Variants in ELAPOR2 observed in about 807,000 individuals in gnomAD.
The protein encoded by ELAPOR2 is endosome/lysosome-associated apoptosis and autophagy regulator family member 2.
In ELAPOR2, 89 loss-of-function variants were observed where a neutral mutation model predicts 120.7. The ratio of observed to expected loss-of-function variants is 0.74; its 90% CI spans 0.62 to 0.88. ELAPOR2 has a LOEUF of 0.88. ELAPOR2 is among the 40% of genes least tolerant of loss of function. The probability of loss-of-function intolerance (pLI) is 0.00; values close to 1 mark genes in which losing one functional copy is unlikely to be tolerated. For synonymous variants in ELAPOR2, 444 were observed against 444.9 expected, an observed-to-expected ratio of 1.00 and a Z score of 0.03; for missense variants, 1,134 against 1,251.6, an observed-to-expected ratio of 0.91 and a Z score of 1.42.
At chr7:86,896,257 T>C (rs1788432833) in intron 19 of ELAPOR2, among the ~76,000 whole-genome samples, 1 of 152,110 alleles carries the variant, frequency 6.6e-6, no homozygotes, top group African/African-American at 2.4e-5. Context: ...TAAAACTTTA[T>C]CTCACTTTTA....
chr7:86,905,205 A>AG (rs1788951074), intron 18 of ELAPOR2, among the ~76,000 whole-genome samples: 3 of 151,170 alleles, frequency 2.0e-5, no homozygotes, highest in Admixed American at 6.6e-5. Flanking sequence ...AGAGAGAGAG[A>AG]AAGAGAGAGA....
chr7:86,986,521 C>T (rs1182551302), intron 1 of ELAPOR2, among the ~76,000 whole-genome samples: 80 of 143,252 alleles, frequency 5.6e-4, no homozygotes, highest in South Asian at 1.3e-3. Context: ...ACAAAATCAA[C>T]GTGCAAAAAT....
chr7:86,955,283 A>G (rs774222942), intron 2 of ELAPOR2, among the ~76,000 whole-genome samples: 13 of 152,300 alleles, frequency 8.5e-5, no homozygotes, highest in Non-Finnish European at 1.9e-4. Flanking sequence ...AGGGAAAGTC[A>G]AACAGTACAT....
chr7:87,010,521 T>C (rs1450775058), intron 1 of ELAPOR2, among the ~76,000 whole-genome samples: 2 of 152,218 alleles, frequency 1.3e-5, no homozygotes, highest in Non-Finnish European at 2.9e-5. Context: ...TTTTAAAATG[T>C]GAGTTTCTCT....
chr7:87,041,417 G>A (rs908416151), intron 1 of ELAPOR2, among the ~76,000 whole-genome samples: 1 of 152,082 alleles, frequency 6.6e-6, no homozygotes, highest in African/African-American at 2.4e-5. Context: ...CGGATCTCTC[G>A]GCATAAACCC....
At chr7:86,982,889 C>T (rs11769434) in intron 1 of ELAPOR2, among the ~76,000 whole-genome samples, 33,083 of 149,070 alleles carry the variant, frequency 0.22, 3,802 homozygotes, top group African/African-American at 0.25. Flanking sequence ...CAAACTTCTC[C>T]GAGCTAAAGG....
intron 1 of ELAPOR2, among the ~76,000 whole-genome samples, chr7:86,993,142 G>A (rs528458293): frequency 2.3e-4 from 34 of 150,374 alleles, no homozygotes; most frequent in Non-Finnish European, 3.8e-4. Flanking sequence ...AGGCTGAGGC[G>A]GGAGAGTTGC....
chr7:86,938,233 G>A lies in ELAPOR2; in HGVS notation c.1001-19C>T, dbSNP rs756323401. On this transcript the variant is annotated intron_variant, in intron 7 of 21. Transcript: ENST00000450689. ...CCTTCCTCTGCAACATAAAAAAAGC[G>A]TTTCAGAAATGGGTCAATTATTTTG... 3.2e-5 allele frequency: 49 copies of A among 1,530,722 alleles called. No homozygotes were observed. The highest frequency in any genetic ancestry group is 4.9e-5 in the East Asian group (2 of 40,794). The allele number at this position is 1,530,722 out of a possible 1,614,324, so 94.8% of individuals were successfully genotyped here.
At chr7:86,910,195 C>G (rs1258092265) in intron 15 of ELAPOR2, among the ~76,000 whole-genome samples, 194 bp from the exon 16 acceptor site, 4 of 152,012 alleles carry the variant, frequency 2.6e-5, no homozygotes, top group Non-Finnish European at 2.9e-5. Flanking sequence ...AATATTCAAC[C>G]AAACTTCAGA....
At chr7:86,967,423 C>A (rs1791950216) in intron 1 of ELAPOR2, among the ~76,000 whole-genome samples, 1 of 152,076 alleles carries the variant, frequency 6.6e-6, no homozygotes, top group Non-Finnish European at 1.5e-5. Context: ...CCACTGTACT[C>A]CATCCAGCCT....
intron 10 of ELAPOR2, chr7:86,919,759 C>T (rs559083997): frequency 6.5e-6 from 1 of 153,124 alleles, no homozygotes; most frequent in African/African-American, 2.4e-5. Context: ...CATTCATTCA[C>T]TTATTTATTC....
intron 1 of ELAPOR2, among the ~76,000 whole-genome samples, chr7:87,048,156 A>G (rs1039830671): frequency 2.0e-5 from 3 of 152,046 alleles, no homozygotes; most frequent in Non-Finnish European, 4.4e-5. Flanking sequence ...AGGCAGGAGA[A>G]TCGCTTGAAC....
In ELAPOR2 at chr7:86,972,538, G is replaced by GA. The variant is rs768284985; in HGVS notation, c.190-7515dup. 3.3e-5 allele frequency among the ~76,000 whole-genome samples: 5 copies of GA among 149,878 alleles called. 1 individual carries two copies. The South Asian group carries it at 6.3e-4, about 19-fold the overall frequency. On this transcript the variant is annotated intron_variant, in intron 1 of 21. Coordinates refer to ENST00000450689, the MANE Select transcript of ELAPOR2 (RefSeq NM_001142749.3). Reference sequence around the variant, plus strand: ...ACAAGAGAAGAGTTATTTCCTCTGGGAAAAAATTGAACTAGGGAGGTTACA... The same window carrying GA: ...ACAAGAGAAGAGTTATTTCCTCTGGGAAAAAAATTGAACTAGGGAGGTTACA...
intron 21 of ELAPOR2, among the ~76,000 whole-genome samples, chr7:86,890,990 T>C: frequency 6.6e-6 from 1 of 152,076 alleles, no homozygotes; most frequent in African/African-American, 2.4e-5. Context: ...AGTAAGCTGA[T>C]AATTTCTCAT....
chr7:87,012,493 G>A (rs892094731), intron 1 of ELAPOR2, among the ~76,000 whole-genome samples: 1 of 152,080 alleles, frequency 6.6e-6, no homozygotes, highest in African/African-American at 2.4e-5. Context: ...TCTACATTCA[G>A]TCAGTATGTT....
In ELAPOR2 at chr7:86,909,972, A is replaced by G. The variant is rs1181537947; in HGVS notation, c.2199T>C (p.Asn733=). 1.2e-6 allele frequency: 2 copies of G among 1,612,398 alleles called. No homozygotes were observed. The highest frequency in any genetic ancestry group is 1.7e-6 in the Non-Finnish European group (2 of 1,179,164). Residue 733 remains asparagine (N), a synonymous_variant, in exon 16 of 22, where the codon AAT becomes AAC. Transcript: ENST00000450689. ...EGKKMALCTN[N]ITDFTVKEIV... is the part of the protein sequence containing the mutation. ...TTTCTTTTACTGTAAAGTCTGTTAT[A>G]TTGTTGGTACAGAGAGCCATCTTCT...
chr7:86,961,496 C>G (rs1047875848), intron 2 of ELAPOR2, among the ~76,000 whole-genome samples: 3 of 152,164 alleles, frequency 2.0e-5, no homozygotes, highest in Non-Finnish European at 4.4e-5. Flanking sequence ...CTACTTATAC[C>G]CCAGATCAGA....
chr7:86,917,996 T>C (rs899490201), intron 12 of ELAPOR2, among the ~76,000 whole-genome samples: 6 of 152,130 alleles, frequency 3.9e-5, no homozygotes, highest in Non-Finnish European at 7.4e-5. Flanking sequence ...GACATGAGCA[T>C]AGTACTCTTT....
intron 1 of ELAPOR2, among the ~76,000 whole-genome samples, chr7:87,012,034 T>C (rs1469194562): frequency 6.6e-6 from 1 of 152,206 alleles, no homozygotes; most frequent in Non-Finnish European, 1.5e-5. Flanking sequence ...AGAAACTACA[T>C]TCTTTTATTG....
Sources: allele counts gnomAD v4.1 joint callset (sites outside exome capture counted in the v4.1 genomes callset), GRCh38; gene constraint gnomAD v4.1.1; transcripts MANE v1.5; gene names NCBI Gene and HGNC (gene_info 2026-07-23, HGNC 2026-07-21).